Variants in PCDH15 observed in about 807,000 individuals in gnomAD.
The protein encoded by PCDH15 is protocadherin-15.
A neutral mutation model predicts 178.5 loss-of-function variants in PCDH15; 129 were observed. The observed-to-expected ratio is 0.72, with a 90% CI of 0.63 to 0.84. The LOEUF is 0.84. Among genes scored for constraint, PCDH15 ranks in the 40% least tolerant of loss-of-function variants. PCDH15 has a pLI of 0.00. For missense variants in PCDH15, 2,230 were observed against 2,099.9 expected (o/e 1.06, Z -1.21); for synonymous variants, 800 against 732.0 (o/e 1.09, Z -1.50).
chr10:53,920,874 ATGAATAAAGAGAGAAGTGGCCT>A (rs1185338371), intron 25 of PCDH15, among the ~76,000 whole-genome samples: 163 of 152,320 alleles, frequency 1.1e-3, no homozygotes, highest in African/African-American at 3.8e-3. Flanking sequence ...CCAAGAAGCA[ATGAATAAAGAGAGAAGTGGCCT>A]TGAAAAACAC....
chr10:53,902,291 T>C (rs1438486511), intron 26 of PCDH15, among the ~76,000 whole-genome samples: 1 of 152,126 alleles, frequency 6.6e-6, no homozygotes, highest in Non-Finnish European at 1.5e-5. Context: ...TGAATTTTTT[T>C]TCTTACTGAG....
intron 2 of PCDH15, among the ~76,000 whole-genome samples, chr10:54,900,072 T>A (rs1048897641): frequency 4.6e-5 from 7 of 152,214 alleles, no homozygotes; most frequent in African/African-American, 1.4e-4. Context: ...ACTGTGTTGT[T>A]GTCACTAATT....
rs144169111 is a variant in PCDH15, at chr10:53,916,711, C to A, written c.3374-13341G>T. ...AGAGCCTGGGTCTAACCTGATAATA[C>A]CACATGTATGCTGTGTGACCTTATA... On this transcript the variant is annotated intron_variant, in intron 25 of 37. Transcript: ENST00000644397. Among the ~76,000 whole-genome samples the A allele has an allele frequency of 2.1e-3, 318 of 152,240 alleles. 1 individual carries two copies. Among genetic ancestry groups the A allele is most frequent in the African/African-American group, 7.0e-3 (292 of 41,544 alleles).
intron 8 of PCDH15, among the ~76,000 whole-genome samples, chr10:54,311,283 A>G (rs1199906518): frequency 1.3e-5 from 2 of 152,106 alleles, no homozygotes; most frequent in Non-Finnish European, 2.9e-5. Context: ...ATACGTTAAT[A>G]TATCATTCAT....
At chr10:54,527,624 A>G (rs1207805512) in intron 3 of PCDH15, among the ~76,000 whole-genome samples, 188 bp downstream of exon 3, 6 of 152,162 alleles carry the variant, frequency 3.9e-5, no homozygotes, top group Non-Finnish European at 8.8e-5. Context: ...TGAGACTTTT[A>G]TAAATTATTC....
At chr10:55,543,813 T>C (rs761436812) in intron 2 of PCDH15, among the ~76,000 whole-genome samples, 11 of 151,744 alleles carry the variant, frequency 7.2e-5, no homozygotes, top group Non-Finnish European at 4.4e-5. Context: ...TCAAATATCA[T>C]TGTATTTTCC....
chr10:55,364,357 T>C (rs1845301343), intron 2 of PCDH15, among the ~76,000 whole-genome samples: 1 of 152,200 alleles, frequency 6.6e-6, no homozygotes, highest in Non-Finnish European at 1.5e-5. Context: ...TTAGTGGATA[T>C]AGAATTCTGG....
intron 8 of PCDH15, among the ~76,000 whole-genome samples, chr10:54,265,966 A>T (rs1253016668): frequency 2.6e-5 from 4 of 152,044 alleles, no homozygotes. Context: ...CCAACAAACC[A>T]CAAAATATAT....
intron 21 of PCDH15, among the ~76,000 whole-genome samples, chr10:53,994,356 G>A (rs2091716127): frequency 6.6e-6 from 1 of 152,026 alleles, no homozygotes; most frequent in Non-Finnish European, 1.5e-5. Flanking sequence ...TGTTAGTATT[G>A]TGTTTCCTTA....
intron 15 of PCDH15, among the ~76,000 whole-genome samples, chr10:54,100,381 A>G (rs1043862260): frequency 5.3e-5 from 8 of 151,714 alleles, no homozygotes; most frequent in African/African-American, 1.9e-4. Flanking sequence ...AAAAAAAAGT[A>G]TTGCTCAATA....
intron 2 of PCDH15, among the ~76,000 whole-genome samples, chr10:55,013,476 T>C (rs1260263780): frequency 7.5e-6 from 1 of 134,200 alleles, no homozygotes; most frequent in African/African-American, 2.8e-5. Flanking sequence ...CAGACCATGA[T>C]TTATCTCACA....
At chr10:54,483,365 CTTTATTTAT>C (rs755567439) in intron 3 of PCDH15, among the ~76,000 whole-genome samples, 5 of 151,642 alleles carry the variant, frequency 3.3e-5, no homozygotes, top group African/African-American at 7.3e-5. Context: ...AGCAAAATTG[CTTTATTTAT>C]TTTATTTATT....
At chr10:54,856,012 G>T (rs538278001) in intron 3 of PCDH15, among the ~76,000 whole-genome samples, 1 of 152,176 alleles carries the variant, frequency 6.6e-6, no homozygotes. Context: ...AATAGAAACA[G>T]TATCAATTGC....
intron 2 of PCDH15, among the ~76,000 whole-genome samples, chr10:55,570,191 C>T (rs1008442099): frequency 6.6e-6 from 1 of 151,904 alleles, no homozygotes; most frequent in African/African-American, 2.4e-5. Flanking sequence ...TTTTTGACAG[C>T]TTTATCGTCT....
chr10:55,585,138 C>G (rs1215309373), intron 2 of PCDH15, among the ~76,000 whole-genome samples: 1 of 151,820 alleles, frequency 6.6e-6, no homozygotes, highest in Non-Finnish European at 1.5e-5. Context: ...AAGAATAACT[C>G]TTTGCAAATA....
At chr10:55,272,839 C>T (rs553773642) in intron 1 of PCDH15, among the ~76,000 whole-genome samples, 6 of 152,002 alleles carry the variant, frequency 3.9e-5, no homozygotes, top group African/African-American at 1.4e-4. Context: ...ATTCCTTCTC[C>T]CCCCAGCCTG....
At chr10:54,934,532 C>T (rs952095056) in intron 2 of PCDH15, among the ~76,000 whole-genome samples, 5 of 151,912 alleles carry the variant, frequency 3.3e-5, no homozygotes, top group Non-Finnish European at 2.9e-5. Context: ...CAATGAGATA[C>T]CATCTCACAC....
intron 6 of PCDH15, among the ~76,000 whole-genome samples, chr10:54,332,540 ATTTCTCTGTGTACTAATCT>A (rs1010448148): frequency 1.3e-5 from 2 of 150,054 alleles, no homozygotes; most frequent in Admixed American, 6.8e-5. Flanking sequence ...CCCATCACTT[ATTTCTCTGTGTACTAATCT>A]TTGCAAACTT....
intron 3 of PCDH15, among the ~76,000 whole-genome samples, chr10:54,514,199 C>T (rs1405023039): frequency 6.6e-6 from 1 of 152,118 alleles, no homozygotes; most frequent in Non-Finnish European, 1.5e-5. Flanking sequence ...GAAGGCACAT[C>T]TTTGTGTAGT....
Sources: allele counts gnomAD v4.1 joint callset (sites outside exome capture counted in the v4.1 genomes callset), GRCh38; gene constraint gnomAD v4.1.1; transcripts MANE v1.5; gene names NCBI Gene and HGNC (gene_info 2026-07-23, HGNC 2026-07-21).